The following SNAPC4 variants were observed in gnomAD, a reference collection of about 807,000 sequenced individuals.
SNAPC4 encodes the protein small nuclear RNA activating complex polypeptide 4, also known as snRNA-activating protein complex subunit 4.
A neutral mutation model predicts 151.3 loss-of-function variants in SNAPC4; 127 were observed. The observed-to-expected ratio is 0.84, with a 90% CI of 0.73 to 0.97. SNAPC4 has a LOEUF of 0.97. Among genes scored for constraint, SNAPC4 ranks in the 50% least tolerant of loss-of-function variants. SNAPC4 has a pLI of 0.00. For synonymous variants in SNAPC4, 1,002 were observed against 824.4 expected (o/e 1.22, Z -3.69); for missense variants, 2,186 against 1,935.0 (o/e 1.13, Z -2.43).
intron 13 of SNAPC4, 104 bp downstream of exon 13, chr9:136,387,381 C>T (rs368091012): frequency 1.9e-5 from 16 of 838,242 alleles, no homozygotes; most frequent in Admixed American, 3.5e-5. Context: ...CCTCCCTCGC[C>T]CAGCGCTGGC....
chr9:136,391,869 C>A, intron 10 of SNAPC4, 73 bp downstream of exon 10: 1 of 1,508,550 alleles, frequency 6.6e-7, no homozygotes. Flanking sequence ...CCGCACCCGT[C>A]CAGCAGCCTC....
rs758696326 is a variant in SNAPC4 at position 136,387,757 on chromosome 9, G to A, written c.1215C>T (p.Ala405=). The change falls in exon 12 of 24, where the codon GCC becomes GCT. Residue 405 remains alanine (A), a synonymous_variant. Transcript: ENST00000684778. ...GCACACTTACAGCATCTTCCTCCGGGGCCCAGTAACCCTTCTTCAGACCAG... is the reference window on the plus strand; with the variant it reads ...GCACACTTACAGCATCTTCCTCCGGAGCCCAGTAACCCTTCTTCAGACCAG... ...LDPGLKKGYW[A]PEEDAKLLQA... The A allele has an allele frequency of 8.1e-6, 13 of 1,608,052 alleles. No homozygotes were observed. Among genetic ancestry groups the A allele is most frequent in the African/African-American group, 2.7e-5 (2 of 74,748 alleles).
At chr9:136,377,507 C>T (rs780769487) in intron 22 of SNAPC4, 36 bp downstream of exon 22, 9 of 1,498,792 alleles carry the variant, frequency 6.0e-6, no homozygotes, top group Non-Finnish European at 8.0e-6. Flanking sequence ...GGACCGCCGC[C>T]TGCCATGGGG....
At chr9:136,390,156 C>T (rs922269985) in intron 10 of SNAPC4, among the ~76,000 whole-genome samples, 3 of 152,154 alleles carry the variant, frequency 2.0e-5, no homozygotes, top group African/African-American at 7.2e-5. Context: ...GGAACACCCA[C>T]CCTCCCACAA....
intron 13 of SNAPC4, among the ~76,000 whole-genome samples, 184 bp downstream of exon 13, chr9:136,387,301 G>A (rs1215912921): frequency 1.3e-5 from 2 of 152,182 alleles, no homozygotes; most frequent in African/African-American, 4.8e-5. Context: ...CAGCTCAGCC[G>A]GGCCAACCCT....
Position 136,378,104 on chromosome 9 carries a change from G to A in SNAPC4, c.3723C>T (p.Pro1241=). ...PRGPLGLEKL[P]LRQPGPEKGA... ...CCTTCTCAGGCCCAGGCTGGCGCAG[G>A]GGCAGCTTCTCCAGGCCCAGAGGCC... Residue 1241 remains proline (P), a synonymous_variant, in exon 22 of 24, where the codon CCC becomes CCT. Transcript: ENST00000684778. 1 of 1,593,826 alleles carries A rather than the reference G, an allele frequency of 6.3e-7. No individual in the cohort carries two copies. The highest frequency in any genetic ancestry group is 8.5e-7 in the Non-Finnish European group (1 of 1,171,448).
Position 136,381,826 on chromosome 9 carries a change from TGA to T in SNAPC4, c.2313_2314del (p.Gln772SerfsTer267). The T allele has an allele frequency of 1.9e-6, 3 of 1,611,384 alleles. No individual in the cohort carries two copies. Among genetic ancestry groups the T allele is most frequent in the Non-Finnish European group, 2.5e-6 (3 of 1,179,312 alleles). ...CCCAGAGGAGCCCCAGGCCATACCT[TGA>T]GTCTGCACTACGGCGGGTCTCTGGG... On this transcript the variant is annotated frameshift_variant, in exon 18 of 24. Transcript: ENST00000684778. LOFTEE classifies it high-confidence loss of function.
intron 7 of SNAPC4, 44 bp from the exon 8 acceptor site, chr9:136,392,821 G>T: frequency 6.6e-7 from 1 of 1,520,692 alleles, no homozygotes; most frequent in Non-Finnish European, 9.1e-7. Flanking sequence ...CACGAGGGCT[G>T]CGGGGCGGGG....
intron 10 of SNAPC4, among the ~76,000 whole-genome samples, chr9:136,388,862 G>A (rs897941420): frequency 6.6e-6 from 1 of 152,196 alleles, no homozygotes; most frequent in African/African-American, 2.4e-5. Context: ...TTCACAATAG[G>A]TAAACTGATA....
chr9:136,387,124 G>A (rs1313359477), intron 13 of SNAPC4, among the ~76,000 whole-genome samples: 2 of 152,242 alleles, frequency 1.3e-5, no homozygotes, highest in Admixed American at 6.5e-5. Context: ...AGGAAAATAA[G>A]CAGGAAAAGG....
At chr9:136,397,058 C>T (rs375796013) in intron 2 of SNAPC4, 35 bp from the exon 3 acceptor site, 27 of 1,602,858 alleles carry the variant, frequency 1.7e-5, no homozygotes, top group Non-Finnish European at 2.2e-5. Context: ...TGTTGGTAAC[C>T]AGCGTCTTGG....
At position 136,384,793 on chromosome 9, in the gene SNAPC4, G is replaced by T. The variant is rs150738777; in HGVS notation, c.1347C>A (p.Phe449Leu). The T allele has an allele frequency of 5.2e-4, 824 of 1,592,222 alleles. 1 individual carries two copies. Among genetic ancestry groups the T allele is most frequent in the Admixed American group, 5.4e-4 (31 of 57,508 alleles). ...CRDRYLRRLHFSLKKGRWNLK... is the reference protein window; with the variant it reads ...CRDRYLRRLHLSLKKGRWNLK... ...AATTCCACCGACCCTTTTTCAAGCTGAAATGTAATCTCCTGAGATACCTGA... is the reference window on the plus strand; with the variant it reads ...AATTCCACCGACCCTTTTTCAAGCTTAAATGTAATCTCCTGAGATACCTGA... Residue 449 changes from phenylalanine (F) to leucine (L), a missense_variant, in exon 14 of 24, where the codon TTC becomes TTA. Transcript: ENST00000684778.
intron 10 of SNAPC4, among the ~76,000 whole-genome samples, chr9:136,390,889 C>G (rs1834049219): frequency 6.6e-6 from 1 of 150,584 alleles, no homozygotes; most frequent in African/African-American, 2.4e-5. Context: ...GGCTGGAGTG[C>G]AGTGGCGCGA....
In SNAPC4 at chr9:136,392,666, C is replaced by G; in HGVS notation, c.737+7G>C. On this transcript the variant is annotated splice_region_variant and intron_variant, in intron 8 of 23. Coordinates refer to ENST00000684778, the MANE Select transcript of SNAPC4 (RefSeq NM_003086.4). ...TCCCCTGGGCCCTCCCGGGAGGCCC[C>G]CCTCACTTGATGTCCTGGATCTCCT... 1 of 1,613,604 alleles carries G rather than the reference C, an allele frequency of 6.2e-7. No homozygotes were observed. The highest frequency in any genetic ancestry group is 1.3e-5 in the African/African-American group (1 of 75,070).
Position 136,378,437 on chromosome 9 carries a change from C to G in SNAPC4, c.3390G>C (p.Leu1130Phe). ...RAAQGPRAPA[L>F]SSSWQPPANM... is the part of the protein sequence containing the mutation. Reference sequence around the variant, plus strand: ...TGGCTGGGGGCTGCCAAGAGCTGCTCAACGCTGGGGCCCTGGGGCCCTGGG... The same window carrying G: ...TGGCTGGGGGCTGCCAAGAGCTGCTGAACGCTGGGGCCCTGGGGCCCTGGG... Residue 1130 changes from leucine (L) to phenylalanine (F), a missense_variant, in exon 22 of 24, where the codon TTG (leucine) becomes TTC (phenylalanine). Leu to Phe is a conservative substitution (Grantham distance 22). Coordinates refer to ENST00000684778, the MANE Select transcript of SNAPC4 (RefSeq NM_003086.4). The G allele has an allele frequency of 6.3e-7, 1 of 1,595,148 alleles. No homozygotes were observed. The highest frequency in any genetic ancestry group is 8.5e-7 in the Non-Finnish European group (1 of 1,174,034).
chr9:136,391,468 G>T (rs1377557820), intron 10 of SNAPC4, among the ~76,000 whole-genome samples: 1 of 152,146 alleles, frequency 6.6e-6, no homozygotes, highest in Non-Finnish European at 1.5e-5. Context: ...GGAAATCTAT[G>T]AGAAGAAGAG....
intron 13 of SNAPC4, 58 bp downstream of exon 13, chr9:136,387,427 G>C: frequency 1.6e-6 from 2 of 1,213,202 alleles, no homozygotes; most frequent in Non-Finnish European, 2.4e-6. Context: ...CCACACCAGA[G>C]TGCACCTGGT....
At position 136,383,951 on chromosome 9, in the gene SNAPC4, A is replaced by G; in HGVS notation, c.1500+2T>C. On this transcript the variant is annotated splice_donor_variant, in intron 15 of 23. Coordinates refer to ENST00000684778, the MANE Select transcript of SNAPC4 (RefSeq NM_003086.4). LOFTEE classifies it high-confidence loss of function. This position sits in a 1 kb window ranked among gnomAD's most constrained non-coding sequence, Gnocchi z 4.2. ...CAGATAAAGAAGGAGCGAGTGGCTC[A>G]CCCCCATCATGATCTTCCACTTGCT... 1 of 1,611,862 alleles carries G rather than the reference A, an allele frequency of 6.2e-7. No homozygotes were observed. Among genetic ancestry groups the G allele is most frequent in the Non-Finnish European group, 8.5e-7 (1 of 1,178,982 alleles).
chr9:136,399,016 G>A (rs905754568), intron 1 of SNAPC4, among the ~76,000 whole-genome samples: 15 of 152,238 alleles, frequency 9.9e-5, no homozygotes, highest in South Asian at 4.1e-4. Flanking sequence ...CCAGAACAAC[G>A]CCTGGAACGT....
Sources: gnomAD v4.1 joint callset for allele counts (sites outside exome capture counted in the v4.1 genomes callset) on GRCh38, gnomAD v4.1.1 for gene constraint, Gnocchi (gnomAD v3.1) non-coding constraint, MANE v1.5 for transcripts, NCBI Gene and HGNC (gene_info 2026-07-23, HGNC 2026-07-21) for gene names.